Variants in UNC5C observed in about 807,000 individuals in gnomAD.
UNC5C encodes unc-5 netrin receptor C, also known as netrin receptor UNC5C.
Under a neutral mutation model 99.8 loss-of-function variants are expected in UNC5C, and 47 were observed. The observed-to-expected ratio is 0.47, with a 90% CI of 0.37 to 0.60. The LOEUF (loss-of-function observed/expected upper bound fraction) is 0.60, where lower values mean the gene tolerates loss of function less well. Among genes scored for constraint, UNC5C ranks in the 20% least tolerant of loss-of-function variants. UNC5C has a pLI of 0.00. For synonymous variants in UNC5C, 487 were observed against 452.2 expected (o/e 1.08, Z -0.98); for missense variants, 1,062 against 1,165.9 (o/e 0.91, Z 1.30).
At chr4:95,344,076 C>A (rs1348919658) in intron 1 of UNC5C, among the ~76,000 whole-genome samples, 1 of 151,974 alleles carries the variant, frequency 6.6e-6, no homozygotes, top group African/African-American at 2.4e-5. Flanking sequence ...AAGATATCAA[C>A]ATTCAAGCAC....
intron 1 of UNC5C, among the ~76,000 whole-genome samples, chr4:95,347,860 T>C (rs1560797889): frequency 6.6e-6 from 1 of 152,014 alleles, no homozygotes; most frequent in East Asian, 1.9e-4. Context: ...CAAAGATTTC[T>C]TGAATAATAC....
At chr4:95,170,410 G>T (rs566544082) in intron 14 of UNC5C, 78 bp from the exon 15 acceptor site, 4 of 1,477,886 alleles carry the variant, frequency 2.7e-6, no homozygotes, top group Admixed American at 1.9e-5. Flanking sequence ...TCAACATAAT[G>T]CCTTGCTTTG....
chr4:95,424,667 GC>G (rs1207790480), intron 1 of UNC5C, among the ~76,000 whole-genome samples: 4 of 151,058 alleles, frequency 2.6e-5, no homozygotes, highest in Admixed American at 6.6e-5. Context: ...GACTACAGGT[GC>G]CCCCCACCAC....
At chr4:95,507,270 C>G (rs1173909684) in intron 1 of UNC5C, among the ~76,000 whole-genome samples, 2 of 151,768 alleles carry the variant, frequency 1.3e-5, no homozygotes, top group Non-Finnish European at 2.9e-5. Flanking sequence ...TTTAAACTGA[C>G]CAGAAAAAAT....
chr4:95,284,363 A>G (rs1398278357), intron 3 of UNC5C, among the ~76,000 whole-genome samples: 1 of 152,196 alleles, frequency 6.6e-6, no homozygotes, highest in East Asian at 1.9e-4. Flanking sequence ...GAACAGACTG[A>G]GATTTTAAAT....
chr4:95,526,575 A>C (rs1722503223), intron 1 of UNC5C, among the ~76,000 whole-genome samples: 1 of 152,092 alleles, frequency 6.6e-6, no homozygotes, highest in African/African-American at 2.4e-5. Flanking sequence ...AAGTAATACA[A>C]ATGTCTCATT....
At chr4:95,500,404 A>C (rs1177870639) in intron 1 of UNC5C, among the ~76,000 whole-genome samples, 1 of 152,086 alleles carries the variant, frequency 6.6e-6, no homozygotes, top group Non-Finnish European at 1.5e-5. Context: ...ATGTCTGGCC[A>C]TATTAAGTTC....
At chr4:95,390,081 C>T (rs12642111) in intron 1 of UNC5C, among the ~76,000 whole-genome samples, 34,491 of 151,900 alleles carry the variant, frequency 0.23, 4,574 homozygotes, top group East Asian at 0.64. Flanking sequence ...TCATAATCTC[C>T]ATTCTAGTTG....
At chr4:95,414,222 C>CCA (rs1746092835) in intron 1 of UNC5C, among the ~76,000 whole-genome samples, 1 of 151,944 alleles carries the variant, frequency 6.6e-6, no homozygotes, top group East Asian at 1.9e-4. Flanking sequence ...CACCTCCCCC[C>CCA]CACAAAAAAT....
At chr4:95,224,452 T>C (rs1466930853) in intron 7 of UNC5C, among the ~76,000 whole-genome samples, 1 of 152,342 alleles carries the variant, frequency 6.6e-6, no homozygotes, top group East Asian at 1.9e-4. Context: ...CTGTTCTTGA[T>C]AGGCAGACCA....
At chr4:95,507,170 T>C (rs1721945834) in intron 1 of UNC5C, among the ~76,000 whole-genome samples, 4 of 152,022 alleles carry the variant, frequency 2.6e-5, no homozygotes, top group Admixed American at 1.3e-4. Flanking sequence ...CTTTTTTAAA[T>C]GATGGGAGAA....
chr4:95,425,309 T>C lies in UNC5C; in HGVS notation c.125-89678A>G, dbSNP rs549451455. Among the ~76,000 whole-genome samples, 431 of 152,358 alleles carry C rather than the reference T, an allele frequency of 2.8e-3. 2 individuals carry two copies. Among genetic ancestry groups the C allele is most frequent in the African/African-American group, 9.9e-3 (411 of 41,590 alleles). On this transcript the variant is annotated intron_variant, in intron 1 of 15. Transcript: ENST00000453304. ...AAGTATAATTGTTAGAAATATCTTA[T>C]TTTTGTTAACTTTATGTCATTTTAT...
At chr4:95,488,908 C>T (rs564352723) in intron 1 of UNC5C, among the ~76,000 whole-genome samples, 3 of 151,798 alleles carry the variant, frequency 2.0e-5, no homozygotes, top group African/African-American at 4.8e-5. Context: ...CCTCAGAAAA[C>T]ATAAGATCAG....
Position 95,187,765 on chromosome 4 carries a change from C to G in UNC5C, c.2137-2569G>C, listed in dbSNP as rs150248112. Among the ~76,000 whole-genome samples the G allele has an allele frequency of 9.2e-3, 1,404 of 152,272 alleles. 13 individuals are homozygous for G. The highest frequency in any genetic ancestry group is 0.011 in the Admixed American group (163 of 15,302). ...TGCCATTTTAAAGACAGTGGGGCCA[C>G]AGAACACACTCCTTCCATAGACTTA... On this transcript the variant is annotated intron_variant, in intron 12 of 15. Coordinates refer to ENST00000453304, the MANE Select transcript of UNC5C (RefSeq NM_003728.4).
intron 14 of UNC5C, among the ~76,000 whole-genome samples, chr4:95,172,099 T>C (rs906867731): frequency 1.3e-5 from 2 of 148,750 alleles, no homozygotes; most frequent in African/African-American, 4.9e-5. Context: ...TGTTTTTTTC[T>C]TGTAAATTTG....
chr4:95,361,562 G>A (rs144673074), intron 1 of UNC5C, among the ~76,000 whole-genome samples: 10 of 152,250 alleles, frequency 6.6e-5, no homozygotes, highest in Non-Finnish European at 1.2e-4. Flanking sequence ...GCTGCAGATC[G>A]AATGTCTGTG....
chr4:95,343,455 G>A (rs534069201), intron 1 of UNC5C, among the ~76,000 whole-genome samples: 4 of 152,184 alleles, frequency 2.6e-5, no homozygotes, highest in Admixed American at 1.3e-4. Context: ...GTGTTACTGG[G>A]CTTGGGATGC....
chr4:95,227,139 GTTT>G (rs11366627), intron 7 of UNC5C, among the ~76,000 whole-genome samples: 25 of 144,912 alleles, frequency 1.7e-4, no homozygotes, highest in South Asian at 8.8e-4. Flanking sequence ...TTAAAACAAT[GTTT>G]TTTTTTTTTT....
chr4:95,185,910 AT>A (rs994823590), intron 12 of UNC5C, among the ~76,000 whole-genome samples: 30 of 152,310 alleles, frequency 2.0e-4, no homozygotes, highest in African/African-American at 7.2e-4. Flanking sequence ...TCAAAAGAAT[AT>A]TTTTGTTTCT....
Sources: allele counts gnomAD v4.1 joint callset (sites outside exome capture counted in the v4.1 genomes callset), GRCh38; gene constraint gnomAD v4.1.1; transcripts MANE v1.5; gene names NCBI Gene and HGNC (gene_info 2026-07-23, HGNC 2026-07-21).